Variants in ACVR2A observed in about 807,000 individuals in gnomAD.
ACVR2A encodes the protein activin A receptor type 2A.
In ACVR2A, 7 loss-of-function variants were observed where a neutral mutation model predicts 61.4. The observed-to-expected ratio is 0.11, with a 90% CI of 0.06 to 0.21. The LOEUF (loss-of-function observed/expected upper bound fraction) is 0.21. ACVR2A is among the 10% of genes least tolerant of loss of function. The probability of loss-of-function intolerance (pLI) is 1.00; values close to 1 mark genes in which losing one functional copy is unlikely to be tolerated. For synonymous variants in ACVR2A, 193 were observed against 208.3 expected (o/e 0.93, Z 0.63); for missense variants, 322 against 621.7 (o/e 0.52, Z 5.13).
intron 4 of ACVR2A, among the ~76,000 whole-genome samples, chr2:147,913,035 C>A (rs1011138418): frequency 1.3e-5 from 2 of 151,438 alleles, no homozygotes; most frequent in African/African-American, 4.8e-5. Flanking sequence ...ACTTGTTAAA[C>A]AGAGCCTTGG....
chr2:147,873,755 C>T (rs182942638), intron 1 of ACVR2A, among the ~76,000 whole-genome samples: 7 of 152,004 alleles, frequency 4.6e-5, no homozygotes, highest in South Asian at 2.1e-4. Flanking sequence ...AAATAGGAAA[C>T]GGCAGAACTT....
At chr2:147,872,763 T>G (rs997602436) in intron 1 of ACVR2A, among the ~76,000 whole-genome samples, 1 of 151,930 alleles carries the variant, frequency 6.6e-6, no homozygotes, top group Non-Finnish European at 1.5e-5. Context: ...GTTATACTTG[T>G]CTTTCTATAG....
intron 1 of ACVR2A, among the ~76,000 whole-genome samples, chr2:147,864,742 G>A (rs766444611): frequency 2.6e-4 from 40 of 152,176 alleles, no homozygotes; most frequent in African/African-American, 7.2e-4. Flanking sequence ...GCCATAATCC[G>A]TTTAGTTATA....
chr2:147,919,143 G>A (rs1353084727), intron 7 of ACVR2A, among the ~76,000 whole-genome samples: 3 of 151,992 alleles, frequency 2.0e-5, no homozygotes, highest in African/African-American at 4.8e-5. Flanking sequence ...CTTGAACGTG[G>A]GATTCAATTT....
intron 1 of ACVR2A, among the ~76,000 whole-genome samples, chr2:147,852,915 C>T (rs1685482776): frequency 6.6e-6 from 1 of 152,042 alleles, no homozygotes; most frequent in Non-Finnish European, 1.5e-5. Flanking sequence ...AGAGAGTTCA[C>T]AATTGCTTGA....
At chr2:147,891,916 T>C (rs1305905269) in intron 1 of ACVR2A, among the ~76,000 whole-genome samples, 2 of 152,188 alleles carry the variant, frequency 1.3e-5, no homozygotes, top group African/African-American at 4.8e-5. Flanking sequence ...AGAAAGTGCC[T>C]ATTGTTTGCA....
intron 1 of ACVR2A, among the ~76,000 whole-genome samples, chr2:147,891,975 T>G (rs1435128440): frequency 6.6e-6 from 1 of 152,158 alleles, no homozygotes; most frequent in South Asian, 2.1e-4. Flanking sequence ...TTTTTTTGTT[T>G]TGTTTTGTTT....
Position 147,856,745 on chromosome 2 carries a change from T to C in ACVR2A, c.55+11538T>C, listed in dbSNP as rs1573913158. Among the ~76,000 whole-genome samples the C allele has an allele frequency of 2.6e-5, 4 of 152,278 alleles. No individual in the cohort carries two copies. The Middle Eastern group carries it at 0.014, about 518-fold the overall frequency. The stretch of plus-strand genomic sequence containing the variant: ...AGTAAAGCAATTTGATTAGTGGGCA[T>C]TCAAAGTAGAATAAAACACCTTTCT... On this transcript the variant is annotated intron_variant, in intron 1 of 10. Coordinates refer to ENST00000241416, the MANE Select transcript of ACVR2A (RefSeq NM_001616.5).
At chr2:147,845,465 A>AAAGTCATGTTTTGTGGCC (rs1685286718) in intron 1 of ACVR2A, among the ~76,000 whole-genome samples, 1 of 151,280 alleles carries the variant, frequency 6.6e-6, no homozygotes, top group Admixed American at 6.6e-5. Flanking sequence ...TGGAAGTGAG[A>AAAGTCATGTTTTGTGGCC]AAGTCATGTT....
intron 1 of ACVR2A, among the ~76,000 whole-genome samples, chr2:147,888,342 T>C (rs1047740355): frequency 3.9e-5 from 6 of 152,186 alleles, no homozygotes; most frequent in Non-Finnish European, 8.8e-5. Flanking sequence ...TTGATATGAA[T>C]TGCATTACAC....
intron 2 of ACVR2A, 32 bp downstream of exon 2, chr2:147,896,540 T>C: frequency 6.3e-7 from 1 of 1,597,588 alleles, no homozygotes; most frequent in South Asian, 1.1e-5. Flanking sequence ...TATGGTAGTA[T>C]TGAGTAATTT....
intron 1 of ACVR2A, among the ~76,000 whole-genome samples, chr2:147,885,174 AC>A (rs1263593186): frequency 6.6e-6 from 1 of 152,130 alleles, no homozygotes; most frequent in Non-Finnish European, 1.5e-5. Flanking sequence ...CACTGATGAT[AC>A]TTCATCTGCA....
At chr2:147,867,478 G>A (rs537614194) in intron 1 of ACVR2A, among the ~76,000 whole-genome samples, 2 of 152,166 alleles carry the variant, frequency 1.3e-5, no homozygotes, top group Admixed American at 1.3e-4. Context: ...GACTTTCCAT[G>A]TGTTTCTTGA....
At chr2:147,882,160 C>T (rs1470589949) in intron 1 of ACVR2A, among the ~76,000 whole-genome samples, 2 of 152,108 alleles carry the variant, frequency 1.3e-5, no homozygotes, top group African/African-American at 4.8e-5. Flanking sequence ...TTATTTGGAG[C>T]CATCTATGTG....
chr2:147,844,726 CCAGT>C (rs1685254012), upstream of ACVR2A: 1 of 152,098 alleles, frequency 6.6e-6, no homozygotes, highest in African/African-American at 2.4e-5. Flanking sequence ...GACATCGGAC[CCAGT>C]CAGTTCCCAG....
intron 1 of ACVR2A, among the ~76,000 whole-genome samples, chr2:147,847,050 A>G (rs571442468): frequency 3.4e-4 from 51 of 152,158 alleles, no homozygotes; most frequent in African/African-American, 1.0e-3. Context: ...ATAATTGAGC[A>G]TTAGTTTCTT....
intron 1 of ACVR2A, 107 bp downstream of exon 1, chr2:147,845,314 G>A: frequency 2.3e-6 from 2 of 864,042 alleles, no homozygotes; most frequent in Non-Finnish European, 3.4e-6. Flanking sequence ...AGCCTGGGGA[G>A]GTTGCCCACT....
intron 4 of ACVR2A, 124 bp from the exon 5 acceptor site, chr2:147,915,067 T>A: frequency 1.2e-6 from 1 of 846,284 alleles, no homozygotes; most frequent in Non-Finnish European, 1.8e-6. Flanking sequence ...GAAGTTAATG[T>A]CATTCATATG....
chr2:147,877,518 A>G (rs904315520), intron 1 of ACVR2A: 3 of 152,224 alleles, frequency 2.0e-5, no homozygotes, highest in African/African-American at 4.8e-5. Context: ...CATGAAGAAC[A>G]TAAGCAAAGA....
Sources: gnomAD v4.1 joint callset for allele counts (sites outside exome capture counted in the v4.1 genomes callset) on GRCh38, gnomAD v4.1.1 for gene constraint, MANE v1.5 for transcripts, NCBI Gene and HGNC (gene_info 2026-07-23, HGNC 2026-07-21) for gene names.